ERC2: variants seen among roughly 807,000 people sequenced by gnomAD.
ERC2 encodes the protein ELKS/RAB6-interacting/CAST family member 2, also known as ERC protein 2.
A neutral mutation model predicts 114.8 loss-of-function variants in ERC2; 42 were observed. That is an observed-to-expected ratio of 0.37 (90% CI 0.29 to 0.47). The LOEUF (loss-of-function observed/expected upper bound fraction) is 0.47, where lower values mean the gene tolerates loss of function less well. Ranked by LOEUF, ERC2 falls within the 20% of genes least tolerant of loss-of-function variation. The probability of loss-of-function intolerance (pLI) is 0.99; values close to 1 mark genes in which losing one functional copy is unlikely to be tolerated. For missense variants in ERC2, 939 were observed against 1,150.7 expected (o/e 0.82, Z 2.66); for synonymous variants, 454 against 425.5 (o/e 1.07, Z -0.82).
At chr3:55,755,678 GTAAC>G (rs1443280377) in intron 14 of ERC2, among the ~76,000 whole-genome samples, 8 of 152,098 alleles carry the variant, frequency 5.3e-5, no homozygotes, top group Non-Finnish European at 1.0e-4. Context: ...GGAGGCATTT[GTAAC>G]TAACTGCCAA....
intron 2 of ERC2, among the ~76,000 whole-genome samples, chr3:56,316,429 G>A (rs542370385): frequency 6.6e-6 from 1 of 152,276 alleles, no homozygotes; most frequent in African/African-American, 2.4e-5. Flanking sequence ...GTTATTATGA[G>A]TTACTGAGAT....
chr3:55,524,376 A>C (rs1275237741), intron 17 of ERC2, among the ~76,000 whole-genome samples: 6 of 152,156 alleles, frequency 3.9e-5, no homozygotes, highest in Non-Finnish European at 7.4e-5. Flanking sequence ...AAGCTTCCCC[A>C]AAACTGCAAA....
intron 17 of ERC2, among the ~76,000 whole-genome samples, chr3:55,664,286 T>A (rs1202326935): frequency 1.3e-5 from 2 of 151,890 alleles, no homozygotes; most frequent in South Asian, 4.2e-4. Flanking sequence ...TCGACTTGAG[T>A]CTACTTAATT....
In ERC2 at chr3:56,249,357, G is replaced by A. The variant is rs575256801; in HGVS notation, c.1074+46662C>T. Among the ~76,000 whole-genome samples, 36 of 151,488 alleles carry A rather than the reference G, an allele frequency of 2.4e-4. 2 individuals carry two copies. In the South Asian group the frequency reaches 6.5e-3, roughly 27 times the overall value. ...CCTTTTTTTTTTGAGACAGAGTCTC[G>A]CTCTGTCATCCAGGCTGGAGTGCAG... On this transcript the variant is annotated intron_variant, in intron 3 of 17. Transcript: ENST00000288221.
intron 1 of ERC2, among the ~76,000 whole-genome samples, chr3:56,439,991 T>C (rs549842303): frequency 1.2e-4 from 18 of 152,366 alleles, no homozygotes; most frequent in African/African-American, 3.8e-4. Flanking sequence ...GTTCAAATTG[T>C]ATAGCATTGG....
chr3:55,921,622 T>G lies in ERC2; in HGVS notation c.2403+28803A>C, dbSNP rs558520559. On this transcript the variant is annotated intron_variant, in intron 13 of 17. Transcript: ENST00000288221. ...GATCATTATAGCCAAAGTTGGAAAA[T>G]GCAAATTATTTTATTTTATTTTGAG... is the stretch of plus-strand genomic sequence containing the variant. Among the ~76,000 whole-genome samples, 12 of 152,224 alleles carry G rather than the reference T, an allele frequency of 7.9e-5. No homozygotes were observed. In the South Asian group the frequency reaches 2.5e-3, roughly 32 times the overall value.
intron 4 of ERC2, among the ~76,000 whole-genome samples, chr3:56,151,259 G>C (rs1051822588): frequency 6.6e-6 from 1 of 152,042 alleles, no homozygotes; most frequent in African/African-American, 2.4e-5. Context: ...TAGTGACGGG[G>C]TTTCACCATG....
intron 2 of ERC2, among the ~76,000 whole-genome samples, chr3:56,418,272 G>A (rs989000796): frequency 6.6e-6 from 1 of 150,548 alleles, no homozygotes; most frequent in African/African-American, 2.5e-5. Context: ...CCCCAGCCTG[G>A]GTGATGGAGC....
chr3:56,400,346 A>C (rs2060475563), intron 2 of ERC2, among the ~76,000 whole-genome samples: 1 of 152,134 alleles, frequency 6.6e-6, no homozygotes, highest in South Asian at 2.1e-4. Flanking sequence ...TAGAAACACT[A>C]TTCTGTTTAT....
intron 2 of ERC2, among the ~76,000 whole-genome samples, chr3:56,347,593 C>T (rs191663525): frequency 6.6e-6 from 1 of 152,146 alleles, no homozygotes; most frequent in East Asian, 1.9e-4. Context: ...GCCTTAAAGA[C>T]CCCCAATCCC....
chr3:56,281,459 A>AAAAAAAAT (rs2054343387), intron 3 of ERC2, among the ~76,000 whole-genome samples: 1 of 149,890 alleles, frequency 6.7e-6, no homozygotes, highest in African/African-American at 2.4e-5. Context: ...AAAAAAAAAA[A>AAAAAAAAT]AGTATAGAGG....
intron 1 of ERC2, among the ~76,000 whole-genome samples, chr3:56,459,288 C>A (rs1210722452): frequency 1.3e-5 from 2 of 152,194 alleles, no homozygotes; most frequent in African/African-American, 4.8e-5. Flanking sequence ...AAATCTTTCA[C>A]GGTTTGCATA....
chr3:55,692,804 C>T (rs1324172162), intron 16 of ERC2, among the ~76,000 whole-genome samples: 2 of 152,148 alleles, frequency 1.3e-5, no homozygotes, highest in African/African-American at 4.8e-5. Context: ...AAAGCAGATT[C>T]CTATCAACCA....
intron 13 of ERC2, among the ~76,000 whole-genome samples, chr3:55,906,152 A>G (rs2064421515): frequency 6.7e-6 from 1 of 150,006 alleles, no homozygotes; most frequent in African/African-American, 2.5e-5. Context: ...CAAAAACAAT[A>G]CCTGATGTTT....
intron 17 of ERC2, among the ~76,000 whole-genome samples, chr3:55,515,608 G>A (rs1024194380): frequency 6.8e-6 from 1 of 147,166 alleles, no homozygotes; most frequent in Non-Finnish European, 1.5e-5. Context: ...TGTATAAATA[G>A]TATCATACTA....
At chr3:56,184,616 G>GT (rs1243428648) in intron 3 of ERC2, among the ~76,000 whole-genome samples, 3 of 148,642 alleles carry the variant, frequency 2.0e-5, no homozygotes, top group African/African-American at 7.7e-5. Context: ...TGCAAGGGTG[G>GT]TAAGACCTGA....
intron 2 of ERC2, among the ~76,000 whole-genome samples, chr3:56,418,515 A>G (rs540701456): frequency 6.6e-6 from 1 of 152,298 alleles, no homozygotes; most frequent in Admixed American, 6.5e-5. Context: ...TAACTTTTTG[A>G]CAAGTGACCT....
At chr3:55,964,145 T>G (rs1305639612) in intron 12 of ERC2, among the ~76,000 whole-genome samples, 1 of 152,264 alleles carries the variant, frequency 6.6e-6, no homozygotes, top group Admixed American at 6.5e-5. Context: ...ATGCATCAGA[T>G]GCTGTGCTAA....
chr3:55,941,547 G>A (rs2066796926), intron 13 of ERC2, among the ~76,000 whole-genome samples: 1 of 152,052 alleles, frequency 6.6e-6, no homozygotes, highest in African/African-American at 2.4e-5. Context: ...CTCCCTTTCT[G>A]AGAGCACCCT....
Sources: gnomAD v4.1 joint callset for allele counts (sites outside exome capture counted in the v4.1 genomes callset) on GRCh38, gnomAD v4.1.1 for gene constraint, MANE v1.5 for transcripts, NCBI Gene and HGNC (gene_info 2026-07-23, HGNC 2026-07-21) for gene names.